Variants in SCYL2 observed in about 807,000 individuals in gnomAD.
The protein encoded by SCYL2 is SCY1-like protein 2.
A neutral mutation model predicts 100.4 loss-of-function variants in SCYL2; 36 were observed. The ratio of observed to expected loss-of-function variants is 0.36; its 90% CI spans 0.27 to 0.47. The LOEUF (loss-of-function observed/expected upper bound fraction) is 0.47. SCYL2 is among the 20% of genes least tolerant of loss of function. The pLI is 1.00. For synonymous variants in SCYL2, 330 were observed against 359.2 expected, an observed-to-expected ratio of 0.92 and a Z score of 0.92; for missense variants, 902 against 1,083.9, an observed-to-expected ratio of 0.83 and a Z score of 2.36.
At chr12:100,315,830 C>A in intron 9 of SCYL2, 96 bp downstream of exon 9, 1 of 1,029,948 alleles carries the variant, frequency 9.7e-7, no homozygotes, top group African/African-American at 1.6e-5. Context: ...TTAAAAAAAA[C>A]TGAGGTAAGT....
intron 4 of SCYL2, among the ~76,000 whole-genome samples, chr12:100,299,347 T>A (rs2096324802): frequency 5.3e-5 from 8 of 152,238 alleles, no homozygotes; most frequent in Non-Finnish European, 1.0e-4. Flanking sequence ...TTTTAACAGC[T>A]TTATTAAGAT....
intron 12 of SCYL2, among the ~76,000 whole-genome samples, chr12:100,328,614 G>A (rs560470496): frequency 3.5e-4 from 53 of 152,296 alleles, no homozygotes; most frequent in African/African-American, 1.2e-3. Context: ...CAGAGAATGA[G>A]GCGGAAATGT....
At chr12:100,277,215 T>A (rs888437605) in intron 1 of SCYL2, among the ~76,000 whole-genome samples, 3 of 152,242 alleles carry the variant, frequency 2.0e-5, no homozygotes, top group African/African-American at 4.8e-5. Flanking sequence ...TTTTAGTGAA[T>A]GTTACATGTC....
chr12:100,338,271 CAAGAT>C (rs1952305107), intron 17 of SCYL2, among the ~76,000 whole-genome samples: 1 of 151,992 alleles, frequency 6.6e-6, no homozygotes, highest in Non-Finnish European at 1.5e-5. Flanking sequence ...CTTTTTTTGA[CAAGAT>C]AATATTTTGC....
chr12:100,309,792 C>A (rs1429051373), intron 4 of SCYL2, among the ~76,000 whole-genome samples: 1 of 152,078 alleles, frequency 6.6e-6, no homozygotes, highest in African/African-American at 2.4e-5. Flanking sequence ...CAGTATCTAC[C>A]CAGAAATAGA....
At chr12:100,318,329 C>CTTTTTTTTTTTT (rs1052095844) in intron 10 of SCYL2, among the ~76,000 whole-genome samples, 1 of 130,974 alleles carries the variant, frequency 7.6e-6, no homozygotes, top group African/African-American at 2.9e-5. Context: ...TCTTTTCTTT[C>CTTTTTTTTTTTT]TTTTTTTTTT....
intron 4 of SCYL2, among the ~76,000 whole-genome samples, chr12:100,304,429 G>A (rs780249107): frequency 5.9e-5 from 9 of 152,122 alleles, no homozygotes; most frequent in East Asian, 5.8e-4. Flanking sequence ...TGCAAAGACC[G>A]TGGGAAAAGC....
chr12:100,327,444 A>G (rs1348041946), intron 12 of SCYL2, among the ~76,000 whole-genome samples: 1 of 152,192 alleles, frequency 6.6e-6, no homozygotes, highest in Non-Finnish European at 1.5e-5. Context: ...CTGCACTAAT[A>G]AAATAGGCAT....
chr12:100,332,423 C>T (rs1198195700), intron 13 of SCYL2, among the ~76,000 whole-genome samples: 1 of 152,146 alleles, frequency 6.6e-6, no homozygotes, highest in Admixed American at 6.5e-5. Context: ...GCCAATTTTG[C>T]AAGCAGGAGT....
intron 10 of SCYL2, among the ~76,000 whole-genome samples, chr12:100,322,144 G>A (rs1198495289): frequency 6.0e-5 from 9 of 150,768 alleles, no homozygotes; most frequent in African/African-American, 9.7e-5. Flanking sequence ...AGGCCGAGGC[G>A]GGCAGATCAC....
In SCYL2 at chr12:100,283,047, A is replaced by G. The variant is rs143904892; in HGVS notation, c.77A>G (p.Asn26Ser). The change falls in exon 2 of 18, where the codon AAT becomes AGT. Residue 26 changes from asparagine (N) to serine (S), a missense_variant. Transcript: ENST00000360820. Reference sequence around the variant, plus strand: ...GATGTCACTAGTGCTGTAATGGGAAATCCTGTCACTAGAGAATTTGATGTT... The same window carrying G: ...GATGTCACTAGTGCTGTAATGGGAAGTCCTGTCACTAGAGAATTTGATGTT... ...TADVTSAVMG[N>S]PVTREFDVGR... The G allele has an allele frequency of 2.5e-6, 4 of 1,613,528 alleles. No individual in the cohort carries two copies. Among genetic ancestry groups the G allele is most frequent in the Admixed American group, 1.7e-5 (1 of 59,914 alleles).
chr12:100,315,362 T>A (rs1156294866), intron 8 of SCYL2, among the ~76,000 whole-genome samples, 196 bp from the exon 9 acceptor site: 2 of 152,158 alleles, frequency 1.3e-5, no homozygotes, highest in Admixed American at 1.3e-4. Flanking sequence ...ACCCATGACC[T>A]TTCCAGTTTA....
chr12:100,291,734 G>C lies in SCYL2; in HGVS notation c.335+74G>C, dbSNP rs2096310913. 2.9e-6 allele frequency: 4 copies of C among 1,385,928 alleles called. No individual in the cohort carries two copies. In the African/African-American group the frequency reaches 4.5e-5, roughly 16 times the overall value. The allele number at this position is 1,385,928 out of a possible 1,614,324, so 85.9% of individuals were successfully genotyped here. Reference sequence around the variant, plus strand: ...AAAAATAATTTTATATTTGAAATCTGTTTCAAGTATTGTCAGTGAAAAATT... The same window carrying C: ...AAAAATAATTTTATATTTGAAATCTCTTTCAAGTATTGTCAGTGAAAAATT... On this transcript the variant is annotated intron_variant, in intron 3 of 17. Transcript: ENST00000360820.
chr12:100,298,796 C>T (rs2096324067), intron 4 of SCYL2, among the ~76,000 whole-genome samples: 1 of 152,114 alleles, frequency 6.6e-6, no homozygotes, highest in African/African-American at 2.4e-5. Flanking sequence ...GTTGGCCAGG[C>T]TGGTCTCGAA....
chr12:100,335,574 A>T (rs769891367), intron 14 of SCYL2, 51 bp from the exon 15 acceptor site: 30 of 1,360,646 alleles, frequency 2.2e-5, no homozygotes, highest in Middle Eastern at 2.6e-4. Flanking sequence ...ATGAGTATTT[A>T]AAAATATGCA....
chr12:100,286,258 A>T (rs1002830820), intron 2 of SCYL2, among the ~76,000 whole-genome samples: 1 of 152,080 alleles, frequency 6.6e-6, no homozygotes, highest in Non-Finnish European at 1.5e-5. Flanking sequence ...ATGTGTGTGT[A>T]TGTGTGTATG....
At position 100,298,046 on chromosome 12, in the gene SCYL2, T is replaced by C; in HGVS notation, c.351T>C (p.Phe117=). 6.2e-7 allele frequency: 1 copy of C among 1,608,562 alleles called. No homozygotes were observed. ...TTTAAAACAGGGATTGCTTGGCATT[T>C]TGTACAGAACCAGTTTTTGCCAGTT... The part of the protein sequence containing the change: ...PLEESRDCLA[F]CTEPVFASLA... The change falls in exon 4 of 18, where the codon TTT becomes TTC. Residue 117 remains phenylalanine (F), a synonymous_variant. Transcript: ENST00000360820.
rs543517808 is a variant in SCYL2 at position 100,294,550 on chromosome 12, C to T, written c.335+2890C>T. Among the ~76,000 whole-genome samples the T allele has an allele frequency of 5.9e-3, 659 of 110,812 alleles. 7 individuals carry two copies. The highest frequency in any genetic ancestry group is 0.025 in the Middle Eastern group (4 of 160). 72.7% of individuals were successfully genotyped at this position (110,812 alleles called of 152,430 possible). A position where few individuals can be genotyped will look rare whatever the true frequency, so the allele number is the denominator to read the frequency against. ...TGACTCCCCCACCTCCCTCCCAGAC[C>T]GGGCGGCTGGCCGGGCGGGGGCTGA... On this transcript the variant is annotated intron_variant, in intron 3 of 17. Transcript: ENST00000360820.
intron 1 of SCYL2, among the ~76,000 whole-genome samples, chr12:100,268,766 C>G (rs959987651): frequency 6.6e-6 from 1 of 152,158 alleles, no homozygotes; most frequent in Non-Finnish European, 1.5e-5. Context: ...CTCCCTTCCC[C>G]CACCCCAAGA....
Sources: allele counts gnomAD v4.1 joint callset (sites outside exome capture counted in the v4.1 genomes callset), GRCh38; gene constraint gnomAD v4.1.1; transcripts MANE v1.5; gene names NCBI Gene and HGNC (gene_info 2026-07-23, HGNC 2026-07-21).